The following PTP4A1 variants were observed in gnomAD, a reference collection of about 807,000 sequenced individuals.
PTP4A1 encodes protein tyrosine phosphatase 4A1.
In PTP4A1, 9 loss-of-function variants were observed where a neutral mutation model predicts 20.5. The ratio of observed to expected loss-of-function variants is 0.44; its 90% confidence interval spans 0.26 to 0.77. PTP4A1 has a LOEUF of 0.77. PTP4A1 is among the 30% of genes least tolerant of loss of function. The pLI is 0.19. For synonymous variants in PTP4A1, 78 were observed against 67.4 expected (o/e 1.16, Z -0.77); for missense variants, 137 against 218.8 (o/e 0.63, Z 2.36).
chr6:63,551,467 C>T (rs1387733423), intron 3 of PTP4A1, among the ~76,000 whole-genome samples: 1 of 152,130 alleles, frequency 6.6e-6, no homozygotes, highest in Non-Finnish European at 1.5e-5. Context: ...GCATTTTCAC[C>T]TATTTCTTTC....
chr6:63,552,324 A>T (rs1030217245), intron 3 of PTP4A1, among the ~76,000 whole-genome samples: 6 of 152,112 alleles, frequency 3.9e-5, no homozygotes, highest in African/African-American at 7.2e-5. Context: ...TGGCTGCATA[A>T]ATGTCTTCTT....
Position 63,574,366 on chromosome 6 carries a change from A to G in PTP4A1, c.-446+1647A>G, listed in dbSNP as rs562629572. 3.2e-5 allele frequency among the ~76,000 whole-genome samples: 4 copies of G among 124,450 alleles called. No homozygotes were observed. The East Asian group carries it at 6.5e-4, about 20-fold the overall frequency. The allele number at this position is 124,450 out of a possible 152,430, so 81.6% of individuals were successfully genotyped here. ...GATTATAATGCAACTGATAGGTGGGAGGGAAAAAATCCCCATTATGGATAG... is the reference window on the plus strand; with the variant it reads ...GATTATAATGCAACTGATAGGTGGGGGGGAAAAAATCCCCATTATGGATAG... On this transcript the variant is annotated intron_variant, in intron 1 of 5. Coordinates refer to ENST00000626021, the MANE Select transcript of PTP4A1 (RefSeq NM_003463.5).
intron 1 of PTP4A1, among the ~76,000 whole-genome samples, chr6:63,574,426 G>A (rs1174076217): frequency 6.6e-6 from 1 of 152,172 alleles, no homozygotes; most frequent in Non-Finnish European, 1.5e-5. Flanking sequence ...GAATGGAGGA[G>A]TGTCTTGGGC....
At chr6:63,531,782 T>G (rs918555739) in intron 2 of PTP4A1, among the ~76,000 whole-genome samples, 1 of 151,962 alleles carries the variant, frequency 6.6e-6, no homozygotes, top group Non-Finnish European at 1.5e-5. Context: ...TGAACCACCA[T>G]GTCCAGCCTC....
intron 3 of PTP4A1, 151 bp from the exon 4 acceptor site, chr6:63,578,747 G>T: frequency 9.1e-7 from 1 of 1,099,014 alleles, no homozygotes; most frequent in Non-Finnish European, 1.2e-6. Flanking sequence ...TGAGCATTTA[G>T]TCACATTTGG....
chr6:63,519,212 C>T (rs375672205), upstream of PTP4A1, among the ~76,000 whole-genome samples: 4 of 151,752 alleles, frequency 2.6e-5, no homozygotes, highest in East Asian at 3.9e-4. Flanking sequence ...AAGGCTGTGG[C>T]GGGAGAATCA....
chr6:63,548,326 C>A (rs1776292122), intron 2 of PTP4A1, among the ~76,000 whole-genome samples: 1 of 152,212 alleles, frequency 6.6e-6, no homozygotes, highest in South Asian at 2.1e-4. Flanking sequence ...AAGAAAATCA[C>A]AATATCTACC....
At chr6:63,560,544 C>T (rs1453249707) in intron 3 of PTP4A1, among the ~76,000 whole-genome samples, 9 of 151,488 alleles carry the variant, frequency 5.9e-5, no homozygotes, top group Admixed American at 5.9e-4. Flanking sequence ...GCATTACAGG[C>T]GTGTACCACC....
At chr6:63,528,668 G>A (rs1775300412) in intron 2 of PTP4A1, among the ~76,000 whole-genome samples, 1 of 152,072 alleles carries the variant, frequency 6.6e-6, no homozygotes, top group African/African-American at 2.4e-5. Context: ...GGCTGAAGTG[G>A]GAGGATTACC....
At chr6:63,570,234 G>A (rs569640039), upstream of PTP4A1, among the ~76,000 whole-genome samples, 66 of 152,314 alleles carry the variant, frequency 4.3e-4, no homozygotes, top group African/African-American at 1.5e-3. Context: ...GGGAGGCTGA[G>A]GCAGGAGAAT....
chr6:63,577,844 ATATAT>A (rs1182644844), intron 2 of PTP4A1, among the ~76,000 whole-genome samples: 1 of 149,548 alleles, frequency 6.7e-6, no homozygotes, highest in Non-Finnish European at 1.5e-5. Flanking sequence ...TTTTATTACT[ATATAT>A]TATATATACA....
Position 63,572,593 on chromosome 6 carries a change from G to GCCACCGCCGCTCCGCCACGA in PTP4A1, c.-561_-542dup, listed in dbSNP as rs1212675221. ...TGCCCCCGCCGCCGCCTGCATCGCC[G>GCCACCGCCGCTCCGCCACGA]CCACCGCCGCTCCGCCACGACCACC... On this transcript the variant is annotated 5_prime_UTR_variant, in exon 1 of 6. It removes the in-frame stop codon of an upstream open reading frame in the 5' UTR. Coordinates refer to ENST00000626021, the MANE Select transcript of PTP4A1 (RefSeq NM_003463.5). 9.6e-6 allele frequency: 4 copies of GCCACCGCCGCTCCGCCACGA among 417,416 alleles called. No homozygotes were observed. The highest frequency in any genetic ancestry group is 3.5e-5 in the East Asian group (1 of 28,564). The allele number at this position is 417,416 out of a possible 1,614,324, so 25.9% of individuals were successfully genotyped here. A position where few individuals can be genotyped will look rare whatever the true frequency, so the allele number is the denominator to read the frequency against.
chr6:63,549,329 A>G (rs1244175255), intron 2 of PTP4A1: 7 of 753,888 alleles, frequency 9.3e-6, no homozygotes, highest in Non-Finnish European at 1.7e-5. Flanking sequence ...GCAACCTGAT[A>G]TAGTGGGGGC....
At chr6:63,548,396 T>C (rs753306791) in intron 2 of PTP4A1, among the ~76,000 whole-genome samples, 1 of 152,218 alleles carries the variant, frequency 6.6e-6, no homozygotes, top group Non-Finnish European at 1.5e-5. Flanking sequence ...AGAACGGCAC[T>C]AGGCAAGCAC....
chr6:63,580,138 T>G lies in PTP4A1; in HGVS notation c.486T>G (p.Asp162Glu). The stretch of plus-strand genomic sequence containing the variant: ...CTAAAATGCGGCTGCGTTTCAAAGA[T>G]TCCAACGGTCATAGAAACAACTGTT... ...YRPKMRLRFK[D>E]SNGHRNNCCI... is the part of the protein sequence containing the mutation. Residue 162 changes from aspartate to glutamate, a missense_variant, in exon 6 of 6, where the codon GAT becomes GAG. By Grantham distance (45) the Asp-to-Glu change is conservative. Transcript: ENST00000626021. 6.2e-7 allele frequency: 1 copy of G among 1,613,486 alleles called. No individual in the cohort carries two copies. The highest frequency in any genetic ancestry group is 8.5e-7 in the Non-Finnish European group (1 of 1,179,488).
At chr6:63,527,710 GA>G (rs964411746) in intron 1 of PTP4A1, 1 of 152,128 alleles carries the variant, frequency 6.6e-6, no homozygotes, top group Non-Finnish European at 1.5e-5. Flanking sequence ...TCTGGAATTC[GA>G]AAAGGGCTCT....
intron 1 of PTP4A1, among the ~76,000 whole-genome samples, chr6:63,576,120 A>C (rs1376624095): frequency 6.7e-6 from 1 of 150,066 alleles, no homozygotes; most frequent in Non-Finnish European, 1.5e-5. Flanking sequence ...TATACAGAGA[A>C]TATAACTAGA....
intron 1 of PTP4A1, among the ~76,000 whole-genome samples, chr6:63,574,978 C>CT (rs1777758421): frequency 6.6e-6 from 1 of 152,120 alleles, no homozygotes; most frequent in African/African-American, 2.4e-5. Context: ...TGAAAGTTAC[C>CT]TTTTTTATGG....
chr6:63,550,641 T>A lies in PTP4A1; in HGVS notation c.-446+148T>A, dbSNP rs889354651. ...GTTGGTTGGTTGGTTGGTTTTTGAA[T>A]TGAGACAGGGTCTCCCTCTGTTGCC... On this transcript the variant is annotated intron_variant, in intron 3 of 3. Transcript: ENST00000639568. Among the ~76,000 whole-genome samples the A allele has an allele frequency of 3.3e-5, 5 of 152,268 alleles. No individual in the cohort carries two copies. The East Asian group carries it at 9.7e-4, about 29-fold the overall frequency.
Sources: gnomAD v4.1 joint callset for allele counts (sites outside exome capture counted in the v4.1 genomes callset) on GRCh38, gnomAD v4.1.1 for gene constraint, MANE v1.5 for transcripts, NCBI Gene and HGNC (gene_info 2026-07-23, HGNC 2026-07-21) for gene names.